SPMIP2: variants seen among roughly 807,000 people sequenced by gnomAD.
SPMIP2 encodes the protein protein SPMIP2.
At chr4:159,078,349 T>C in the SPMIP2 span, among the ~76,000 whole-genome samples, 1 of 152,210 alleles carries the variant, frequency 6.6e-6, no homozygotes, top group Admixed American at 6.5e-5. Flanking sequence ...GAATCCAGAC[T>C]AGAACTTGAT....
the SPMIP2 span, among the ~76,000 whole-genome samples, chr4:158,980,245 G>A: frequency 1.2e-4 from 18 of 152,298 alleles, no homozygotes; most frequent in East Asian, 3.5e-3. Flanking sequence ...CTGGGACAGA[G>A]CATATGGGGG....
At chr4:158,940,149 CGGCTCTCTCTTT>C in the SPMIP2 span, among the ~76,000 whole-genome samples, 2 of 152,106 alleles carry the variant, frequency 1.3e-5, no homozygotes, top group African/African-American at 4.8e-5. Context: ...TTTCTCCTGA[CGGCTCTCTCTTT>C]GGCTTGTAGA....
At chr4:158,962,617 T>C in the SPMIP2 span, among the ~76,000 whole-genome samples, 1 of 152,170 alleles carries the variant, frequency 6.6e-6, no homozygotes, top group Non-Finnish European at 1.5e-5. Flanking sequence ...TGTTAACCCC[T>C]TAGGTGTCTT....
chr4:158,939,275 T>G, the SPMIP2 span, among the ~76,000 whole-genome samples: 1 of 152,056 alleles, frequency 6.6e-6, no homozygotes, highest in Admixed American at 6.5e-5. Flanking sequence ...CAACTTATTT[T>G]AGTTACTTTG....
chr4:158,956,153 A>T, the SPMIP2 span, among the ~76,000 whole-genome samples: 288 of 152,318 alleles, frequency 1.9e-3, no homozygotes, highest in Non-Finnish European at 3.3e-3. Context: ...AGTGGCTCCC[A>T]TTTATCTTGC....
the SPMIP2 span, among the ~76,000 whole-genome samples, chr4:158,929,348 T>C: frequency 6.6e-6 from 1 of 152,254 alleles, no homozygotes; most frequent in Non-Finnish European, 1.5e-5. Context: ...GATTGTTTAG[T>C]CCATTTACAT....
At chr4:158,968,737 C>T in the SPMIP2 span, among the ~76,000 whole-genome samples, 1 of 152,156 alleles carries the variant, frequency 6.6e-6, no homozygotes, top group Non-Finnish European at 1.5e-5. Context: ...TCAATTGTAG[C>T]TCTTTTTGTG....
chr4:158,997,608 G>A, the SPMIP2 span, among the ~76,000 whole-genome samples: 2 of 152,078 alleles, frequency 1.3e-5, no homozygotes, highest in African/African-American at 4.8e-5. Flanking sequence ...AAAAGGCAAG[G>A]GAGAGGGCAA....
At chr4:158,986,977 G>T in the SPMIP2 span, among the ~76,000 whole-genome samples, 1 of 142,348 alleles carries the variant, frequency 7.0e-6, no homozygotes, top group East Asian at 2.0e-4. Context: ...CGAAGGACAT[G>T]AACAGACACT....
At chr4:159,081,036 C>A in the SPMIP2 span, among the ~76,000 whole-genome samples, 2 of 128,602 alleles carry the variant, frequency 1.6e-5, no homozygotes, top group Admixed American at 1.8e-4. Context: ...TTGTTTCTTT[C>A]TCTTTTTTTT....
the SPMIP2 span, among the ~76,000 whole-genome samples, chr4:158,932,644 G>A: frequency 6.6e-6 from 1 of 152,098 alleles, no homozygotes. Flanking sequence ...AAATGTCCAT[G>A]GGGTAGAGCA....
At chr4:158,925,773 G>A in the SPMIP2 span, among the ~76,000 whole-genome samples, 1 of 152,208 alleles carries the variant, frequency 6.6e-6, no homozygotes, top group Non-Finnish European at 1.5e-5. Flanking sequence ...AGGGGATGGG[G>A]ACACCTGTCT....
the SPMIP2 span, among the ~76,000 whole-genome samples, chr4:159,047,320 CATTT>C: frequency 2.0e-5 from 3 of 152,204 alleles, no homozygotes; most frequent in African/African-American, 7.2e-5. Flanking sequence ...TACATATATA[CATTT>C]ATTTGTGTCT....
the SPMIP2 span, among the ~76,000 whole-genome samples, chr4:158,976,436 C>T: frequency 6.6e-6 from 1 of 151,994 alleles, no homozygotes; most frequent in African/African-American, 2.4e-5. Flanking sequence ...TCATAAATAG[C>T]TCTTATTATT....
chr4:158,965,668 T>TAAA, the SPMIP2 span, among the ~76,000 whole-genome samples: 1 of 145,922 alleles, frequency 6.9e-6, no homozygotes, highest in Non-Finnish European at 1.5e-5. Flanking sequence ...AGTTTCTATT[T>TAAA]AAAAAAAAAA....
the SPMIP2 span, among the ~76,000 whole-genome samples, chr4:158,968,187 G>A: frequency 8.6e-5 from 13 of 151,996 alleles, no homozygotes; most frequent in African/African-American, 2.4e-4. Flanking sequence ...CCATCACCAC[G>A]TCCAGCTAAT....
At chr4:159,039,402 G>A in the SPMIP2 span, among the ~76,000 whole-genome samples, 1 of 152,158 alleles carries the variant, frequency 6.6e-6, no homozygotes, top group Admixed American at 6.6e-5. Context: ...ACTAAGCCAG[G>A]CACAGAGGAG....
At chr4:158,975,481 T>C in the SPMIP2 span, among the ~76,000 whole-genome samples, 3 of 152,140 alleles carry the variant, frequency 2.0e-5, no homozygotes, top group Admixed American at 2.0e-4. Flanking sequence ...TTGTAAAAGG[T>C]GTAAGGAAGG....
chr4:159,064,143 G>C, the SPMIP2 span, among the ~76,000 whole-genome samples: 3 of 151,994 alleles, frequency 2.0e-5, no homozygotes, highest in Non-Finnish European at 4.4e-5. Context: ...GCCAGGAGGT[G>C]GAGTTTGCAG....
Sources: allele counts gnomAD v4.1 joint callset (sites outside exome capture counted in the v4.1 genomes callset), GRCh38; gene constraint gnomAD v4.1.1; transcripts MANE v1.5; gene names NCBI Gene and HGNC (gene_info 2026-07-23, HGNC 2026-07-21).